USP31: variants seen among roughly 807,000 people sequenced by gnomAD.
USP31 encodes ubiquitin carboxyl-terminal hydrolase 31.
In USP31, 44 loss-of-function variants were observed where a neutral mutation model predicts 119.4. That is an observed-to-expected ratio of 0.37 (90% CI 0.29 to 0.47). The LOEUF (loss-of-function observed/expected upper bound fraction) is 0.47. USP31 is among the 20% of genes least tolerant of loss of function. The probability of loss-of-function intolerance (pLI) is 0.99; values close to 1 mark genes in which losing one functional copy is unlikely to be tolerated. For synonymous variants in USP31, 749 were observed against 705.6 expected (o/e 1.06, Z -0.97); for missense variants, 1,643 against 1,730.2 (o/e 0.95, Z 0.89).
rs757605435 is a variant in USP31 at position 23,068,155 on chromosome 16, T to C, written c.3950A>G (p.Asp1317Gly). The change falls in exon 16 of 16, where the codon GAC becomes GGC. Residue 1317 changes from aspartate to glycine, a missense_variant. Physicochemically the swap from Asp to Gly is moderately conservative, Grantham distance 94. Coordinates refer to ENST00000219689, the MANE Select transcript of USP31 (RefSeq NM_020718.4). ...ACCCGGAGACGAGGGAACTCCAGAG[T>C]CTAGTTGGGAAGACTTGGATTTGCG... Reference protein sequence around the residue: ...SARKSKSSQLDSGVPSSPGGR... With the variant: ...SARKSKSSQLGSGVPSSPGGR... 1 of 1,613,922 alleles carries C rather than the reference T, an allele frequency of 6.2e-7. No homozygotes were observed. The highest frequency in any genetic ancestry group is 8.5e-7 in the Non-Finnish European group (1 of 1,179,980).
intron 14 of USP31, chr16:23,072,497 T>A: frequency 5.1e-6 from 3 of 593,288 alleles, no homozygotes; most frequent in South Asian, 4.1e-5. Flanking sequence ...GAGAATGGAA[T>A]AGACAAGCAC....
At chr16:23,141,215 C>T (rs1045397763) in intron 1 of USP31, among the ~76,000 whole-genome samples, 1 of 152,180 alleles carries the variant, frequency 6.6e-6, no homozygotes, top group African/African-American at 2.4e-5. Flanking sequence ...TCCTCCATCC[C>T]GCTCTCCTCC....
intron 11 of USP31, among the ~76,000 whole-genome samples, 180 bp from the exon 12 acceptor site, chr16:23,082,737 G>A (rs547568293): frequency 1.6e-4 from 25 of 151,888 alleles, no homozygotes; most frequent in Admixed American, 7.9e-4. Flanking sequence ...ACTCTAAACA[G>A]ATTCTGGTTT....
At position 23,069,457 on chromosome 16, in the gene USP31, A is replaced by T; in HGVS notation, c.2648T>A (p.Phe883Tyr). ...LQMRSNSPSR[F>Y]SGDSPIHSSA... ...GCTGTGAATTGGCGAATCCCCTGAA[A>T]ATCGGGATGGAGAATTGGAGCGCAT... Residue 883 changes from phenylalanine to tyrosine, a missense_variant, in exon 16 of 16, where the codon TTT becomes TAT. Physicochemically the swap from Phe to Tyr is conservative, Grantham distance 22. Coordinates refer to ENST00000219689, the MANE Select transcript of USP31 (RefSeq NM_020718.4). 6.2e-7 allele frequency: 1 copy of T among 1,614,170 alleles called. No individual in the cohort carries two copies. Among genetic ancestry groups the T allele is most frequent in the African/African-American group, 1.3e-5 (1 of 75,048 alleles).
At chr16:23,140,163 T>C (rs1406503160) in intron 1 of USP31, among the ~76,000 whole-genome samples, 3 of 152,198 alleles carry the variant, frequency 2.0e-5, no homozygotes, top group African/African-American at 4.8e-5. Flanking sequence ...GAATCACTAC[T>C]GATTGCAGCC....
chr16:23,094,142 CA>C (rs1596704297), intron 6 of USP31, among the ~76,000 whole-genome samples: 1 of 152,110 alleles, frequency 6.6e-6, no homozygotes, highest in East Asian at 1.9e-4. Flanking sequence ...CACTTCTGCC[CA>C]AATACTGTGC....
intron 1 of USP31, among the ~76,000 whole-genome samples, chr16:23,134,869 A>G (rs566806558): frequency 1.1e-4 from 16 of 146,224 alleles, no homozygotes; most frequent in South Asian, 2.2e-4. Flanking sequence ...AAATGTACCA[A>G]ATGTTTAAAG....
At chr16:23,146,976 A>G (rs1204842114) in intron 1 of USP31, among the ~76,000 whole-genome samples, 1 of 151,962 alleles carries the variant, frequency 6.6e-6, no homozygotes, top group Admixed American at 6.5e-5. Flanking sequence ...TAAAAAAAAA[A>G]AAAAAAATGG....
At chr16:23,076,744 G>A (rs531434449) in intron 13 of USP31, among the ~76,000 whole-genome samples, 14 of 152,334 alleles carry the variant, frequency 9.2e-5, no homozygotes, top group African/African-American at 3.1e-4. Context: ...TAACAAGCCA[G>A]TCCATATTTT....
intron 1 of USP31, among the ~76,000 whole-genome samples, chr16:23,113,499 T>C (rs1265750782): frequency 1.3e-5 from 2 of 152,132 alleles, no homozygotes; most frequent in African/African-American, 2.4e-5. Context: ...CAAACCTCCA[T>C]GGAGGCGGAA....
Position 23,069,461 on chromosome 16 carries a change from G to A in USP31, c.2644C>T (p.Arg882Ter), listed in dbSNP as rs1900255970. 2 of 1,614,190 alleles carry A rather than the reference G, an allele frequency of 1.2e-6. No individual in the cohort carries two copies. Among genetic ancestry groups the A allele is most frequent in the Non-Finnish European group, 8.5e-7 (1 of 1,180,032 alleles). The change falls in exon 16 of 16, where the codon CGA becomes TGA. Residue 882 changes from arginine (R) to a stop codon, truncating the protein, a stop_gained. Transcript: ENST00000219689. LOFTEE classifies it high-confidence loss of function. ...KLQMRSNSPS[R>*]FSGDSPIHSS... is the part of the protein sequence containing the mutation. ...TGAATTGGCGAATCCCCTGAAAATCGGGATGGAGAATTGGAGCGCATCTGC... is the reference window on the plus strand; with the variant it reads ...TGAATTGGCGAATCCCCTGAAAATCAGGATGGAGAATTGGAGCGCATCTGC...
At chr16:23,116,693 C>A (rs1197995738) in intron 1 of USP31, among the ~76,000 whole-genome samples, 1 of 152,170 alleles carries the variant, frequency 6.6e-6, no homozygotes, top group African/African-American at 2.4e-5. Context: ...GGCCTCTAGG[C>A]TTTCATATGT....
intron 6 of USP31, among the ~76,000 whole-genome samples, chr16:23,099,518 A>G (rs912286358): frequency 3.9e-5 from 6 of 152,250 alleles, no homozygotes; most frequent in African/African-American, 1.4e-4. Context: ...ACACATGCAC[A>G]TGCACATAAA....
chr16:23,069,704 A>G (rs927353077), intron 15 of USP31, 88 bp from the exon 16 acceptor site: 61 of 1,480,904 alleles, frequency 4.1e-5, no homozygotes, highest in Non-Finnish European at 5.2e-5. Context: ...AACGAAGGTA[A>G]GCCTCATGGG....
intron 4 of USP31, 61 bp from the exon 5 acceptor site, chr16:23,105,637 T>C (rs1250955739): frequency 9.6e-6 from 14 of 1,452,750 alleles, no homozygotes; most frequent in African/African-American, 1.4e-5. Flanking sequence ...ATATAGAAGA[T>C]GCAAAATAAA....
Position 23,149,230 on chromosome 16 carries a change from G to C in USP31, c.41C>G (p.Ala14Gly). The C allele has an allele frequency of 8.9e-7, 1 of 1,127,064 alleles. No individual in the cohort carries two copies. 69.8% of individuals were successfully genotyped at this position (1,127,064 alleles called of 1,614,324 possible). A position where few individuals can be genotyped will look rare whatever the true frequency, so the allele number is the denominator to read the frequency against. The change falls in exon 1 of 16, where the codon GCG becomes GGG. Residue 14 changes from alanine to glycine, a missense_variant. Ala to Gly is a moderately conservative substitution (Grantham distance 60, BLOSUM62 0). Around this residue, in one of 5 missense-constraint regions of USP31, gnomAD observed 302 missense variants for 262.6 expected, o/e 1.15. Transcript: ENST00000219689. ...VTAPGSGPPA[A>G]ASGKEKRSFS... ...GGAGCGCTTCTCCTTCCCGCTCGCC[G>C]CCGCCGGCGGCCCGGACCCAGGCGC...
chr16:23,134,344 T>C (rs1395453472), intron 1 of USP31, among the ~76,000 whole-genome samples: 1 of 152,088 alleles, frequency 6.6e-6, no homozygotes, highest in Non-Finnish European at 1.5e-5. Flanking sequence ...GGAGTAACAA[T>C]GGTAACAACA....
rs146581801 is a variant in USP31 at position 23,065,369 on chromosome 16, C to T, written c.*2677G>A. Reference sequence around the variant, plus strand: ...AGAAAGAAAGAAACCAACACCAAGTCCCCAACCCTACCAATGAACTAAATT... The same window carrying T: ...AGAAAGAAAGAAACCAACACCAAGTTCCCAACCCTACCAATGAACTAAATT... On this transcript the variant is annotated 3_prime_UTR_variant, in exon 16 of 16. Transcript: ENST00000219689. 4.9e-4 allele frequency: 75 copies of T among 151,650 alleles called. No individual in the cohort carries two copies. Among genetic ancestry groups the T allele is most frequent in the Middle Eastern group, 3.4e-3 (1 of 294 alleles). 9.4% of individuals were successfully genotyped at this position (151,650 alleles called of 1,614,324 possible). A position where few individuals can be genotyped will look rare whatever the true frequency, so the allele number is the denominator to read the frequency against.
Position 23,086,563 on chromosome 16 carries a change from G to A in USP31, c.1622+529C>T, listed in dbSNP as rs1014936183. On this transcript the variant is annotated intron_variant, in intron 9 of 15. Coordinates refer to ENST00000219689, the MANE Select transcript of USP31 (RefSeq NM_020718.4). Reference sequence around the variant, plus strand: ...GGCTTAAAGGAAAGGAATTACGGACGGAGGAAACCACACATGCAAAGCACG... The same window carrying A: ...GGCTTAAAGGAAAGGAATTACGGACAGAGGAAACCACACATGCAAAGCACG... Among the ~76,000 whole-genome samples, 9 of 152,092 alleles carry A rather than the reference G, an allele frequency of 5.9e-5. 1 individual carries two copies. The highest frequency in any genetic ancestry group is 5.9e-4 in the Admixed American group (9 of 15,268).
Sources: gnomAD v4.1 joint callset for allele counts (sites outside exome capture counted in the v4.1 genomes callset) on GRCh38, gnomAD v4.1.1 for gene constraint, gnomAD v4.1.1 regional missense constraint, MANE v1.5 for transcripts, NCBI Gene and HGNC (gene_info 2026-07-23, HGNC 2026-07-21) for gene names.